Variants in SP3 observed in about 807,000 individuals in gnomAD.
The protein encoded by SP3 is Sp3 transcription factor.
A neutral mutation model predicts 70.3 loss-of-function variants in SP3; 10 were observed. The observed-to-expected ratio is 0.14, with a 90% CI of 0.09 to 0.24. The LOEUF is 0.24. Ranked by LOEUF, SP3 falls within the 10% of genes least tolerant of loss-of-function variation. SP3 has a pLI of 1.00. For synonymous variants in SP3, 402 were observed against 333.5 expected (o/e 1.21, Z -2.24); for missense variants, 825 against 914.6 (o/e 0.90, Z 1.26).
chr2:173,920,449 G>A (rs1054767190), intron 4 of SP3, among the ~76,000 whole-genome samples: 4 of 152,042 alleles, frequency 2.6e-5, no homozygotes, highest in African/African-American at 9.7e-5. Context: ...AATACATCAA[G>A]CAAATTCATC....
intron 4 of SP3, among the ~76,000 whole-genome samples, chr2:173,924,545 G>T (rs966157615): frequency 1.3e-5 from 2 of 152,148 alleles, no homozygotes; most frequent in African/African-American, 4.8e-5. Context: ...TATTCTAAGT[G>T]TTTACATATA....
At position 173,909,083 on chromosome 2, in the gene SP3, G is replaced by A. The variant is rs762926431; in HGVS notation, c.*858C>T. 6.6e-6 allele frequency: 1 copy of A among 152,464 alleles called. No homozygotes were observed. The highest frequency in any genetic ancestry group is 1.5e-5 in the Non-Finnish European group (1 of 67,942). The allele number at this position is 152,464 out of a possible 1,614,324, so 9.4% of individuals were successfully genotyped here. On this transcript the variant is annotated 3_prime_UTR_variant, in exon 7 of 7. Coordinates refer to ENST00000310015, the MANE Select transcript of SP3 (RefSeq NM_003111.5). ...AAGGCCCTGGGAGACATGGTTTTTG[G>A]AAACAAGATTGGATAAAAATCACTG...
intron 5 of SP3, among the ~76,000 whole-genome samples, chr2:173,917,719 G>GT (rs1689649604): frequency 6.6e-6 from 1 of 151,840 alleles, no homozygotes; most frequent in South Asian, 2.1e-4. Context: ...AGTTCTATCC[G>GT]TTTTTGCTCT....
intron 2 of SP3, 65 bp downstream of exon 2, chr2:173,964,340 G>A (rs557510321): frequency 1.1e-5 from 7 of 639,174 alleles, no homozygotes; most frequent in South Asian, 1.7e-5. Context: ...GGAGGGAGGG[G>A]AGAGGCGAGG....
At chr2:173,957,761 C>G (rs1690942705) in intron 3 of SP3, among the ~76,000 whole-genome samples, 1 of 152,056 alleles carries the variant, frequency 6.6e-6, no homozygotes, top group Non-Finnish European at 1.5e-5. Flanking sequence ...ATGAAGGAGA[C>G]TGAAAGAAAG....
At chr2:173,922,578 A>C (rs1194824458) in intron 4 of SP3, among the ~76,000 whole-genome samples, 1 of 151,946 alleles carries the variant, frequency 6.6e-6, no homozygotes, top group Non-Finnish European at 1.5e-5. Context: ...GCAGCACTCC[A>C]AAATTAACAA....
At chr2:173,923,523 T>C (rs1436039529) in intron 4 of SP3, among the ~76,000 whole-genome samples, 3 of 152,144 alleles carry the variant, frequency 2.0e-5, no homozygotes, top group Admixed American at 1.3e-4. Context: ...TATTTATCAA[T>C]AGAGCTAACA....
chr2:173,913,370 T>A, intron 5 of SP3, 104 bp from the exon 6 acceptor site: 1 of 868,966 alleles, frequency 1.2e-6, no homozygotes, highest in African/African-American at 1.7e-5. Context: ...TAGAAGACAT[T>A]ATCATTACAA....
chr2:173,957,731 T>C (rs1471721045), intron 3 of SP3, among the ~76,000 whole-genome samples: 1 of 152,068 alleles, frequency 6.6e-6, no homozygotes, highest in African/African-American at 2.4e-5. Context: ...CTGTGTCTTA[T>C]AAAGATAAAC....
chr2:173,939,004 TC>T lies in SP3; in HGVS notation c.1639+15868del, dbSNP rs149572907. Among the ~76,000 whole-genome samples, 230 of 152,218 alleles carry T rather than the reference TC, an allele frequency of 1.5e-3. 1 individual carries two copies. The highest frequency in any genetic ancestry group is 5.4e-3 in the African/African-American group (225 of 41,532). ...CATCTAGTGGGTAAGTCAGGAATGC[TC>T]CTCAACATCCTACAATGCAGAGGAC... is the stretch of plus-strand genomic sequence containing the variant. On this transcript the variant is annotated intron_variant, in intron 4 of 6. Coordinates refer to ENST00000310015, the MANE Select transcript of SP3 (RefSeq NM_003111.5).
At chr2:173,954,615 C>T (rs1248900965) in intron 4 of SP3, among the ~76,000 whole-genome samples, 1 of 152,008 alleles carries the variant, frequency 6.6e-6, no homozygotes, top group Non-Finnish European at 1.5e-5. Context: ...GATGTCAAAA[C>T]AAATATAAAA....
At chr2:173,950,977 C>T (rs1473236188) in intron 4 of SP3, among the ~76,000 whole-genome samples, 1 of 152,140 alleles carries the variant, frequency 6.6e-6, no homozygotes, top group Non-Finnish European at 1.5e-5. Flanking sequence ...AATTTAATGG[C>T]TTTCTGGAGT....
Position 173,933,637 on chromosome 2 carries a change from T to TG in SP3, c.1640-14853_1640-14852insC, listed in dbSNP as rs1559098487. On this transcript the variant is annotated intron_variant, in intron 4 of 6. Coordinates refer to ENST00000310015, the MANE Select transcript of SP3 (RefSeq NM_003111.5). ...TACAAATGACTAACATTTATAAAAC[T>TG]TTATATATATATATATATATATATA... Among the ~76,000 whole-genome samples, 6 of 104,638 alleles carry TG rather than the reference T, an allele frequency of 5.7e-5. No homozygotes were observed. In the East Asian group the frequency reaches 1.7e-3, roughly 30 times the overall value. The allele number at this position is 104,638 out of a possible 152,430, so 68.6% of individuals were successfully genotyped here.
chr2:173,918,322 A>G (rs961141688), intron 5 of SP3, among the ~76,000 whole-genome samples: 1 of 152,150 alleles, frequency 6.6e-6, no homozygotes, highest in Middle Eastern at 3.2e-3. Context: ...GTTTGCAAAC[A>G]GGCTAATTTC....
chr2:173,921,070 C>G (rs1450156161), intron 4 of SP3, among the ~76,000 whole-genome samples: 1 of 151,966 alleles, frequency 6.6e-6, no homozygotes, highest in Non-Finnish European at 1.5e-5. Context: ...AAAATTTCAT[C>G]AAGTTATATA....
chr2:173,937,583 A>T (rs1285769255), intron 4 of SP3, among the ~76,000 whole-genome samples: 2 of 152,212 alleles, frequency 1.3e-5, no homozygotes, highest in Non-Finnish European at 2.9e-5. Flanking sequence ...AAAAATTTTT[A>T]AATAATTCTG....
intron 5 of SP3, among the ~76,000 whole-genome samples, chr2:173,917,990 G>GTT (rs199624356): frequency 1.5e-5 from 2 of 136,894 alleles, no homozygotes; most frequent in East Asian, 2.1e-4. Context: ...TCTGGATCTT[G>GTT]TTTTTTTTTT....
Position 173,939,764 on chromosome 2 carries a change from CAA to C in SP3, c.1639+15107_1639+15108del, listed in dbSNP as rs3045251. Among the ~76,000 whole-genome samples, 326 of 70,198 alleles carry C rather than the reference CAA, an allele frequency of 4.6e-3. 10 individuals carry two copies. Among genetic ancestry groups the C allele is most frequent in the Admixed American group, 5.3e-3 (29 of 5,506 alleles). The allele number at this position is 70,198 out of a possible 152,430, so 46.1% of individuals were successfully genotyped here. On this transcript the variant is annotated intron_variant, in intron 4 of 6. Transcript: ENST00000310015. Reference sequence around the variant, plus strand: ...TGAGCAACAGAGCAAGACTCCAACTCAAAAAAAAAAAAAAAAAAGTTACACTG... The same window carrying C: ...TGAGCAACAGAGCAAGACTCCAACTCAAAAAAAAAAAAAAAAGTTACACTG...
chr2:173,945,045 A>G (rs1264465668), intron 4 of SP3, among the ~76,000 whole-genome samples: 1 of 152,236 alleles, frequency 6.6e-6, no homozygotes, highest in Non-Finnish European at 1.5e-5. Flanking sequence ...TAAATCACAT[A>G]GCTATATCAG....
Sources: allele counts gnomAD v4.1 joint callset (sites outside exome capture counted in the v4.1 genomes callset), GRCh38; gene constraint gnomAD v4.1.1; transcripts MANE v1.5; gene names NCBI Gene and HGNC (gene_info 2026-07-23, HGNC 2026-07-21).